The following DOCK8 variants were observed in gnomAD, a reference collection of about 807,000 sequenced individuals.
DOCK8 encodes dedicator of cytokinesis 8, also known as dedicator of cytokinesis protein 8.
DOCK8 carries 141 observed loss-of-function variants against 245.6 expected under a neutral mutation model. That is an observed-to-expected ratio of 0.57 (90% CI 0.50 to 0.66). DOCK8 has a LOEUF of 0.66. DOCK8 is among the 30% of genes least tolerant of loss of function. The probability of loss-of-function intolerance (pLI) is 0.00; values close to 1 mark genes in which losing one functional copy is unlikely to be tolerated. For missense variants in DOCK8, 2,965 were observed against 2,603.4 expected (o/e 1.14, Z -3.02); for synonymous variants, 1,168 against 970.2 (o/e 1.20, Z -3.79).
chr9:243,879 T>A (rs2047438728), intron 1 of DOCK8, among the ~76,000 whole-genome samples: 1 of 151,984 alleles, frequency 6.6e-6, no homozygotes, highest in African/African-American at 2.4e-5. Context: ...CTCATCTTAT[T>A]GACATGATTT....
chr9:212,589 A>G (rs559398854), upstream of DOCK8, among the ~76,000 whole-genome samples: 5 of 152,380 alleles, frequency 3.3e-5, no homozygotes, highest in African/African-American at 1.2e-4. Context: ...ATTTGACTAA[A>G]TTAATGGATA....
intron 4 of DOCK8, among the ~76,000 whole-genome samples, chr9:299,072 A>C (rs889376736): frequency 6.6e-6 from 1 of 152,210 alleles, no homozygotes. Context: ...TATTTGGGGT[A>C]GCATAATTTT....
chr9:372,426 G>A, intron 18 of DOCK8, 140 bp downstream of exon 18: 2 of 751,414 alleles, frequency 2.7e-6, no homozygotes, highest in South Asian at 1.4e-5. Context: ...AGGATGGGAG[G>A]AATAACTGAC....
intron 1 of DOCK8, among the ~76,000 whole-genome samples, chr9:269,058 T>C (rs1375834762): frequency 2.0e-5 from 3 of 152,230 alleles, no homozygotes; most frequent in Admixed American, 6.5e-5. Context: ...CACCTATCTA[T>C]ATCTATTTAG....
chr9:419,621 C>T (rs966142923), intron 30 of DOCK8, among the ~76,000 whole-genome samples: 11 of 152,156 alleles, frequency 7.2e-5, no homozygotes, highest in African/African-American at 2.4e-5. Context: ...CCTCCCATAC[C>T]CACAAATTCC....
At chr9:249,966 A>G (rs1445233704) in intron 1 of DOCK8, among the ~76,000 whole-genome samples, 3 of 152,058 alleles carry the variant, frequency 2.0e-5, no homozygotes, top group African/African-American at 7.2e-5. Context: ...ACAATCCCTA[A>G]CAGTCTGAAA....
intron 1 of DOCK8, among the ~76,000 whole-genome samples, chr9:271,344 T>C (rs1406249016): frequency 6.6e-6 from 1 of 152,158 alleles, no homozygotes; most frequent in African/African-American, 2.4e-5. Flanking sequence ...ATGCCCTGGA[T>C]CTTTTTCTTG....
chr9:380,002 A>C (rs1316268718), intron 21 of DOCK8, 67 bp downstream of exon 21: 4 of 1,548,588 alleles, frequency 2.6e-6, no homozygotes, highest in Non-Finnish European at 3.5e-6. Flanking sequence ...ACTGCAGTGT[A>C]ATCCAAAATA....
chr9:400,574 A>T (rs866085058), intron 26 of DOCK8, among the ~76,000 whole-genome samples: 7 of 84,996 alleles, frequency 8.2e-5, no homozygotes, highest in Admixed American at 2.3e-4. Flanking sequence ...CACCACCACC[A>T]CCTCCACCAT....
intron 5 of DOCK8, among the ~76,000 whole-genome samples, chr9:309,272 CAA>C (rs774331319): frequency 3.6e-4 from 55 of 151,840 alleles, no homozygotes; most frequent in Non-Finnish European, 6.9e-4. Context: ...TTAAGAAAAA[CAA>C]AAGTATTAAT....
At chr9:373,823 C>T (rs529978597) in intron 18 of DOCK8, among the ~76,000 whole-genome samples, 75 of 152,324 alleles carry the variant, frequency 4.9e-4, no homozygotes, top group African/African-American at 1.8e-3. Flanking sequence ...AGACATTTCC[C>T]TGATTGGTCT....
intron 45 of DOCK8, 99 bp from the exon 46 acceptor site, chr9:451,910 TGC>T (rs1204378697): frequency 6.5e-6 from 2 of 308,170 alleles, no homozygotes; most frequent in Non-Finnish European, 1.1e-5. Flanking sequence ...CATATACATA[TGC>T]ATATACATAT....
intron 18 of DOCK8, among the ~76,000 whole-genome samples, chr9:374,566 G>A (rs1443104146): frequency 6.9e-6 from 1 of 143,920 alleles, no homozygotes; most frequent in African/African-American, 2.6e-5. Flanking sequence ...GGCTCAAGCA[G>A]TCGTCTCACC....
At chr9:380,084 C>G (rs1053849691) in intron 21 of DOCK8, 149 bp downstream of exon 21, 1 of 593,606 alleles carries the variant, frequency 1.7e-6, no homozygotes, top group South Asian at 2.0e-5. Context: ...ATGGCAGGAT[C>G]GCTTGGAGCA....
At chr9:447,041 T>C (rs1239291777) in intron 44 of DOCK8, among the ~76,000 whole-genome samples, 2 of 152,106 alleles carry the variant, frequency 1.3e-5, no homozygotes, top group Non-Finnish European at 2.9e-5. Flanking sequence ...GAGGCGGTGG[T>C]GTGCTGTGGG....
intron 1 of DOCK8, among the ~76,000 whole-genome samples, chr9:241,948 T>G (rs1368110528): frequency 2.0e-5 from 3 of 152,216 alleles, no homozygotes; most frequent in East Asian, 1.9e-4. Flanking sequence ...ATGTTTGTTT[T>G]GTTTCAGGCA....
At chr9:316,943 C>T (rs1364661334) in intron 6 of DOCK8, 100 bp from the exon 7 acceptor site, 10 of 944,788 alleles carry the variant, frequency 1.1e-5, no homozygotes, top group Non-Finnish European at 1.6e-5. Context: ...TCTAAGTTAA[C>T]TTGAGCCGTG....
chr9:394,031 G>T (rs1209131836), intron 24 of DOCK8, among the ~76,000 whole-genome samples: 1 of 152,126 alleles, frequency 6.6e-6, no homozygotes, highest in Non-Finnish European at 1.5e-5. Flanking sequence ...CTTAGAAAAG[G>T]AGCCTGGGGC....
intron 14 of DOCK8, among the ~76,000 whole-genome samples, chr9:346,763 C>G (rs139679040): frequency 3.3e-5 from 5 of 152,158 alleles, no homozygotes; most frequent in Non-Finnish European, 5.9e-5. Flanking sequence ...GTACTACCCA[C>G]CTTCTCTTCT....
Sources: allele counts gnomAD v4.1 joint callset (sites outside exome capture counted in the v4.1 genomes callset), GRCh38; gene constraint gnomAD v4.1.1; transcripts MANE v1.5; gene names NCBI Gene and HGNC (gene_info 2026-07-23, HGNC 2026-07-21).